The following TTC28 variants were observed in gnomAD, a reference collection of about 807,000 sequenced individuals.
TTC28 encodes the protein tetratricopeptide repeat protein 28.
A neutral mutation model predicts 198.0 loss-of-function variants in TTC28; 61 were observed. The observed-to-expected ratio is 0.31, with a 90% CI of 0.25 to 0.38. TTC28 has a LOEUF of 0.38. Ranked by LOEUF, TTC28 falls within the 10% of genes least tolerant of loss-of-function variation. TTC28 has a pLI of 1.00. For synonymous variants in TTC28, 1,171 were observed against 1,297.8 expected, an observed-to-expected ratio of 0.90 and a Z score of 2.10; for missense variants, 2,678 against 3,164.0, an observed-to-expected ratio of 0.85 and a Z score of 3.69.
At chr22:28,319,792 G>A (rs185975231) in intron 2 of TTC28, among the ~76,000 whole-genome samples, 1 of 152,300 alleles carries the variant, frequency 6.6e-6, no homozygotes, top group East Asian at 1.9e-4. Context: ...AAAAGAAAGA[G>A]TTGATAGCCA....
intron 5 of TTC28, among the ~76,000 whole-genome samples, chr22:28,184,155 T>C (rs181966683): frequency 3.3e-5 from 5 of 152,308 alleles, no homozygotes; most frequent in East Asian, 1.9e-4. Context: ...TATGGGCTTA[T>C]TATGACCACA....
chr22:28,549,442 CCTT>C (rs1310246993), intron 2 of TTC28, among the ~76,000 whole-genome samples: 1 of 152,132 alleles, frequency 6.6e-6, no homozygotes, highest in Admixed American at 6.5e-5. Flanking sequence ...ACTATCAGGT[CCTT>C]CTTATTCATT....
intron 5 of TTC28, among the ~76,000 whole-genome samples, chr22:28,256,842 C>G (rs5997350): frequency 6.1e-4 from 93 of 152,280 alleles, no homozygotes; most frequent in African/African-American, 2.1e-3. Flanking sequence ...AGTTCAAGAC[C>G]AGGCTGGGCA....
intron 5 of TTC28, among the ~76,000 whole-genome samples, chr22:28,288,812 CA>C (rs397953776): frequency 0.016 from 1,852 of 112,698 alleles, 24 homozygotes; most frequent in African/African-American, 0.061. Context: ...GACTCCGTTT[CA>C]AAAAAAAAAA....
chr22:28,239,545 T>C (rs879589849), intron 5 of TTC28, among the ~76,000 whole-genome samples: 2 of 152,156 alleles, frequency 1.3e-5, no homozygotes, highest in Non-Finnish European at 2.9e-5. Flanking sequence ...CTAAATATCA[T>C]AAAAGCCACT....
chr22:28,472,976 A>G (rs1406529683), intron 2 of TTC28, among the ~76,000 whole-genome samples: 1 of 152,206 alleles, frequency 6.6e-6, no homozygotes, highest in East Asian at 1.9e-4. Context: ...GGAACACTCT[A>G]TTTAAGCTAG....
chr22:28,337,491 C>G (rs1437040177), intron 2 of TTC28, among the ~76,000 whole-genome samples: 3 of 152,134 alleles, frequency 2.0e-5, no homozygotes. Flanking sequence ...CTTTGTAGGT[C>G]TCTAAGGACT....
intron 14 of TTC28, chr22:28,006,383 G>A (rs921441464): frequency 1.5e-4 from 23 of 152,202 alleles, no homozygotes; most frequent in African/African-American, 5.3e-4. Flanking sequence ...GGTCAAATGC[G>A]AATTTACAAC....
chr22:28,230,889 T>C (rs1381881339), intron 5 of TTC28, among the ~76,000 whole-genome samples: 2 of 152,206 alleles, frequency 1.3e-5, no homozygotes, highest in Non-Finnish European at 2.9e-5. Context: ...ATTCTGTGTG[T>C]GAGGTTTTGG....
chr22:28,518,023 A>G (rs1461223017), intron 2 of TTC28, among the ~76,000 whole-genome samples: 2 of 152,086 alleles, frequency 1.3e-5, no homozygotes, highest in Admixed American at 1.3e-4. Context: ...TAACCCAAGT[A>G]GCTGGGATTA....
intron 2 of TTC28, among the ~76,000 whole-genome samples, chr22:28,609,452 C>T (rs929713364): frequency 3.9e-5 from 6 of 152,092 alleles, no homozygotes; most frequent in Admixed American, 1.3e-4. Flanking sequence ...CAGGGTGAGG[C>T]GTCGCCTTAC....
At chr22:28,644,023 C>G (rs2051412888) in intron 1 of TTC28, among the ~76,000 whole-genome samples, 1 of 152,152 alleles carries the variant, frequency 6.6e-6, no homozygotes, top group Non-Finnish European at 1.5e-5. Flanking sequence ...AGAGGTGATT[C>G]AAACCCTTGT....
intron 2 of TTC28, among the ~76,000 whole-genome samples, chr22:28,581,173 C>T (rs1329586801): frequency 6.6e-6 from 1 of 151,936 alleles, no homozygotes; most frequent in Non-Finnish European, 1.5e-5. Flanking sequence ...TGAGTACTCA[C>T]GAGATCTGGT....
chr22:28,467,775 T>C (rs1477800288), intron 2 of TTC28, among the ~76,000 whole-genome samples: 1 of 152,134 alleles, frequency 6.6e-6, no homozygotes, highest in Non-Finnish European at 1.5e-5. Context: ...GATTTTTTTT[T>C]CCTTGAGACA....
At chr22:28,435,441 G>C (rs2047505874) in intron 2 of TTC28, among the ~76,000 whole-genome samples, 1 of 152,194 alleles carries the variant, frequency 6.6e-6, no homozygotes, top group Non-Finnish European at 1.5e-5. Context: ...TCAATAAAAT[G>C]ACATGGTTTT....
chr22:28,512,499 G>A lies in TTC28; in HGVS notation c.381+117053C>T, dbSNP rs142990386. ...GTATATGTTCACTGCAGCATTATTC[G>A]CAATAGCAAAGACAAGGAATCAACC... is the stretch of plus-strand genomic sequence containing the variant. On this transcript the variant is annotated intron_variant, in intron 2 of 22. Coordinates refer to ENST00000397906, the MANE Select transcript of TTC28 (RefSeq NM_001145418.2). 5.7e-3 allele frequency among the ~76,000 whole-genome samples: 862 copies of A among 152,136 alleles called. 7 individuals are homozygous for A. The highest frequency in any genetic ancestry group is 0.02 in the African/African-American group (820 of 41,506).
intron 5 of TTC28, among the ~76,000 whole-genome samples, chr22:28,208,647 T>C (rs971263484): frequency 6.6e-6 from 1 of 152,214 alleles, no homozygotes; most frequent in Non-Finnish European, 1.5e-5. Context: ...TTTTGCTCTA[T>C]ATAAATTACT....
At chr22:28,028,941 C>T in intron 13 of TTC28, 3 of 469,666 alleles carry the variant, frequency 6.4e-6, no homozygotes, top group Non-Finnish European at 1.3e-5. Flanking sequence ...TGTCCTACAG[C>T]TTGTGAGTGG....
chr22:28,494,911 C>A (rs1368620449), intron 2 of TTC28, among the ~76,000 whole-genome samples: 1 of 151,004 alleles, frequency 6.6e-6, no homozygotes, highest in Non-Finnish European at 1.5e-5. Context: ...ATTGATGAAA[C>A]AAGAATGGGA....
Sources: gnomAD v4.1 joint callset for allele counts (sites outside exome capture counted in the v4.1 genomes callset) on GRCh38, gnomAD v4.1.1 for gene constraint, MANE v1.5 for transcripts, NCBI Gene and HGNC (gene_info 2026-07-23, HGNC 2026-07-21) for gene names.